VAMP4: variants seen among roughly 807,000 people sequenced by gnomAD.
VAMP4 encodes vesicle-associated membrane protein 4.
VAMP4 carries 19 observed loss-of-function variants against 23.5 expected under a neutral mutation model. The observed-to-expected ratio is 0.81, with a 90% CI of 0.56 to 1.19. The LOEUF (loss-of-function observed/expected upper bound fraction) is 1.19. Ranked by LOEUF, VAMP4 falls within the 50% of genes most tolerant of loss-of-function variation. The pLI, the probability that VAMP4 is intolerant of heterozygous loss-of-function variation, is 0.00. For missense variants in VAMP4, 145 were observed against 168.6 expected (o/e 0.86, Z 0.78); for synonymous variants, 31 against 51.0 (o/e 0.61, Z 1.67).
At chr1:171,715,917 A>G (rs1262606257) in intron 4 of VAMP4, among the ~76,000 whole-genome samples, 3 of 152,082 alleles carry the variant, frequency 2.0e-5, no homozygotes, top group South Asian at 2.1e-4. Context: ...GGAAGGATCA[A>G]TTGAGCCCAG....
chr1:171,736,125 G>C (rs1002308741), intron 2 of VAMP4, among the ~76,000 whole-genome samples: 3 of 152,120 alleles, frequency 2.0e-5, no homozygotes, highest in Admixed American at 6.6e-5. Context: ...GACCTCAAGT[G>C]ATCTGCCCGC....
In VAMP4 at chr1:171,703,441, A is replaced by ACACCTAGGTTCCTGAC. The variant is rs1654532492; in HGVS notation, c.*1064_*1065insGTCAGGAACCTAGGTG. On this transcript the variant is annotated 3_prime_UTR_variant, in exon 8 of 8. Coordinates refer to ENST00000236192, the MANE Select transcript of VAMP4 (RefSeq NM_003762.5). The stretch of plus-strand genomic sequence containing the variant: ...TGTTTGTGTGTATATATATATATAT[A>ACACCTAGGTTCCTGAC]TATATATATATATATATATATATAT... 1 of 73,216 alleles carries ACACCTAGGTTCCTGAC rather than the reference A, an allele frequency of 1.4e-5. No individual in the cohort carries two copies. The highest frequency in any genetic ancestry group is 2.9e-5 in the Non-Finnish European group (1 of 34,532). The allele number at this position is 73,216 out of a possible 1,614,324, so 4.5% of individuals were successfully genotyped here. A position where few individuals can be genotyped will look rare whatever the true frequency, so the allele number is the denominator to read the frequency against.
intron 1 of VAMP4, 52 bp from the exon 2 acceptor site, chr1:171,738,515 A>C: frequency 8.3e-7 from 1 of 1,197,854 alleles, no homozygotes; most frequent in Non-Finnish European, 1.2e-6. Flanking sequence ...GCATAAGCTA[A>C]TGTACTTAAA....
chr1:171,718,323 T>C lies in VAMP4; in HGVS notation c.164+848A>G, dbSNP rs143781843. Among the ~76,000 whole-genome samples the C allele has an allele frequency of 7.9e-5, 12 of 152,268 alleles. No individual in the cohort carries two copies. The East Asian group carries it at 2.3e-3, about 29-fold the overall frequency. On this transcript the variant is annotated intron_variant, in intron 4 of 7. Transcript: ENST00000236192. Reference sequence around the variant, plus strand: ...AACCCTTCCCACAATGTGCCATCTATACCCAGGCTTAGGGTAGTGACTATT... The same window carrying C: ...AACCCTTCCCACAATGTGCCATCTACACCCAGGCTTAGGGTAGTGACTATT...
chr1:171,705,730 T>C (rs1045954182), intron 7 of VAMP4, among the ~76,000 whole-genome samples: 2 of 152,270 alleles, frequency 1.3e-5, no homozygotes, highest in African/African-American at 4.8e-5. Context: ...TTTCAAATGA[T>C]TATTTTTAGA....
chr1:171,710,553 T>C (rs1462404171), intron 5 of VAMP4, among the ~76,000 whole-genome samples, 161 bp downstream of exon 5: 2 of 152,026 alleles, frequency 1.3e-5, no homozygotes, highest in African/African-American at 4.8e-5. Context: ...AACAATAAGA[T>C]GACTCAAAGT....
rs1654543401 is a variant in VAMP4 at position 171,703,522 on chromosome 1, T to G, written c.*984A>C. 6.8e-6 allele frequency: 1 copy of G among 146,524 alleles called. No homozygotes were observed. 9.1% of individuals were successfully genotyped at this position (146,524 alleles called of 1,614,324 possible). On this transcript the variant is annotated 3_prime_UTR_variant, in exon 8 of 8. Transcript: ENST00000236192. Reference sequence around the variant, plus strand: ...CATTACTGTTGGCTGATGCAAAATTTGATTGTGCAACATACATCTCCTCAA... The same window carrying G: ...CATTACTGTTGGCTGATGCAAAATTGGATTGTGCAACATACATCTCCTCAA...
intron 4 of VAMP4, among the ~76,000 whole-genome samples, chr1:171,716,777 G>T (rs999717117): frequency 6.6e-6 from 1 of 152,156 alleles, no homozygotes; most frequent in Non-Finnish European, 1.5e-5. Context: ...TTGTCATTGG[G>T]TAAGTTGTGT....
chr1:171,709,306 A>G (rs539894295), intron 6 of VAMP4, among the ~76,000 whole-genome samples: 7 of 152,182 alleles, frequency 4.6e-5, no homozygotes, highest in East Asian at 1.9e-4. Flanking sequence ...CCTACTTTTG[A>G]TATCTCTACA....
intron 6 of VAMP4, among the ~76,000 whole-genome samples, chr1:171,707,806 C>T (rs1377804117): frequency 6.6e-6 from 1 of 152,028 alleles, no homozygotes; most frequent in East Asian, 1.9e-4. Flanking sequence ...GCACGCTATT[C>T]CTCTGACCCA....
intron 5 of VAMP4, among the ~76,000 whole-genome samples, chr1:171,710,116 CT>C (rs1444074357): frequency 6.6e-6 from 1 of 151,364 alleles, no homozygotes; most frequent in African/African-American, 2.4e-5. Flanking sequence ...GAGAAGTTAG[CT>C]TCTTAGAAGA....
Position 171,700,914 on chromosome 1 carries a change from G to A in VAMP4, c.*3592C>T, listed in dbSNP as rs1221711789. The A allele has an allele frequency of 6.6e-6, 1 of 151,812 alleles. No homozygotes were observed. The highest frequency in any genetic ancestry group is 1.5e-5 in the Non-Finnish European group (1 of 67,980). The allele number at this position is 151,812 out of a possible 1,614,324, so 9.4% of individuals were successfully genotyped here. A position where few individuals can be genotyped will look rare whatever the true frequency, so the allele number is the denominator to read the frequency against. On this transcript the variant is annotated 3_prime_UTR_variant, in exon 8 of 8. Coordinates refer to ENST00000236192, the MANE Select transcript of VAMP4 (RefSeq NM_003762.5). Reference sequence around the variant, plus strand: ...ACTGATTTGTTCCAAGAAGCTTCTTGGAATAAAACAGAAGCCAGAATAAAT... The same window carrying A: ...ACTGATTTGTTCCAAGAAGCTTCTTAGAATAAAACAGAAGCCAGAATAAAT...
chr1:171,709,261 A>G (rs1025429940), intron 6 of VAMP4, among the ~76,000 whole-genome samples: 1 of 152,122 alleles, frequency 6.6e-6, no homozygotes, highest in African/African-American at 2.4e-5. Flanking sequence ...TTTATTTTTT[A>G]CCCTTTCAAC....
At chr1:171,734,943 C>T (rs560973445) in intron 2 of VAMP4, among the ~76,000 whole-genome samples, 120 of 152,156 alleles carry the variant, frequency 7.9e-4, no homozygotes, top group African/African-American at 2.8e-3. Flanking sequence ...TATTGTTTTT[C>T]TTGAAGTAAT....
At chr1:171,712,635 C>T (rs936265809) in intron 4 of VAMP4, among the ~76,000 whole-genome samples, 19 of 152,176 alleles carry the variant, frequency 1.2e-4, no homozygotes, top group African/African-American at 4.6e-4. Flanking sequence ...GTTGGGCATG[C>T]AGAATTCTCT....
At chr1:171,725,964 A>G (rs549046977) in intron 3 of VAMP4, among the ~76,000 whole-genome samples, 6 of 152,028 alleles carry the variant, frequency 3.9e-5, no homozygotes, top group African/African-American at 1.4e-4. Flanking sequence ...CTGGGATTAC[A>G]GGCGTGAGCC....
In VAMP4 at chr1:171,704,391, T is replaced by TA; in HGVS notation, c.*114dup. ...CCAATTTGAAGTGATACTTGCCTCTTAGTTTCTTGAAAAAGAAGTTTTGAA... is the reference window on the plus strand; with the variant it reads ...CCAATTTGAAGTGATACTTGCCTCTTAAGTTTCTTGAAAAAGAAGTTTTGAA... On this transcript the variant is annotated 3_prime_UTR_variant, in exon 8 of 8. Transcript: ENST00000236192. 4 of 740,426 alleles carry TA rather than the reference T, an allele frequency of 5.4e-6. No individual in the cohort carries two copies. The highest frequency in any genetic ancestry group is 7.9e-6 in the Non-Finnish European group (4 of 509,052). The allele number at this position is 740,426 out of a possible 1,614,324, so 45.9% of individuals were successfully genotyped here.
At chr1:171,731,125 G>A (rs981222253) in intron 2 of VAMP4, among the ~76,000 whole-genome samples, 3 of 151,970 alleles carry the variant, frequency 2.0e-5, no homozygotes, top group African/African-American at 7.3e-5. Flanking sequence ...TCTTTTACGT[G>A]CTTCTATGTG....
rs150321975 is a variant in VAMP4 at position 171,709,025 on chromosome 1, C to T, written c.345+640G>A. On this transcript the variant is annotated intron_variant, in intron 6 of 7. Coordinates refer to ENST00000236192, the MANE Select transcript of VAMP4 (RefSeq NM_003762.5). ...AAAAAAAAAAGATTTGCTCATATAACGTGAAAAACATTTTCTGTTAATGAT... is the reference window on the plus strand; with the variant it reads ...AAAAAAAAAAGATTTGCTCATATAATGTGAAAAACATTTTCTGTTAATGAT... Among the ~76,000 whole-genome samples the T allele has an allele frequency of 5.5e-4, 83 of 150,504 alleles. No individual in the cohort carries two copies. The East Asian group carries it at 8.0e-3, about 15-fold the overall frequency.
Sources: allele counts gnomAD v4.1 joint callset (sites outside exome capture counted in the v4.1 genomes callset), GRCh38; gene constraint gnomAD v4.1.1; transcripts MANE v1.5; gene names NCBI Gene and HGNC (gene_info 2026-07-23, HGNC 2026-07-21).